The following FRMD4B variants were observed in gnomAD, a reference collection of about 807,000 sequenced individuals.
FRMD4B encodes FERM domain containing 4B, also known as FERM domain-containing protein 4B.
A neutral mutation model predicts 141.5 loss-of-function variants in FRMD4B; 74 were observed. The observed-to-expected ratio is 0.52, with a 90% CI of 0.43 to 0.63. FRMD4B has a LOEUF of 0.63. Among genes scored for constraint, FRMD4B ranks in the 30% least tolerant of loss-of-function variants. The pLI is 0.00. For missense variants in FRMD4B, 1,366 were observed against 1,253.4 expected (o/e 1.09, Z -1.36); for synonymous variants, 506 against 467.9 (o/e 1.08, Z -1.05).
intron 1 of FRMD4B, among the ~76,000 whole-genome samples, chr3:69,384,669 C>G (rs1704205803): frequency 6.6e-6 from 1 of 152,170 alleles, no homozygotes; most frequent in African/African-American, 2.4e-5. Context: ...ATATGTTATA[C>G]AAAGCAGAAG....
rs141714166 is a variant in FRMD4B, at chr3:69,391,738, A to C, written c.-1+40896T>G. On this transcript the variant is annotated intron_variant, in intron 2 of 5. Coordinates refer to the FRMD4B transcript ENST00000459638. ...ACTTTTCTCTATTAGACTGTCAGCT[A>C]TGTGAGGAACCACTGTGATGTGACG... Among the ~76,000 whole-genome samples the C allele has an allele frequency of 4.3e-3, 655 of 152,324 alleles. 5 individuals carry two copies. The highest frequency in any genetic ancestry group is 0.015 in the African/African-American group (620 of 41,564).
chr3:69,467,927 C>T (rs1705821871), intron 1 of FRMD4B, among the ~76,000 whole-genome samples: 1 of 152,174 alleles, frequency 6.6e-6, no homozygotes, highest in Non-Finnish European at 1.5e-5. Flanking sequence ...TGGAAAAACG[C>T]AGAGCCAAGG....
intron 3 of FRMD4B, among the ~76,000 whole-genome samples, chr3:69,302,985 A>C (rs1025597210): frequency 6.6e-6 from 1 of 152,150 alleles, no homozygotes; most frequent in Admixed American, 6.5e-5. Context: ...GAGGCAGGAG[A>C]ATCGCTTGAA....
At chr3:69,315,537 T>C (rs1380347264) in intron 1 of FRMD4B, among the ~76,000 whole-genome samples, 1 of 152,214 alleles carries the variant, frequency 6.6e-6, no homozygotes, top group Non-Finnish European at 1.5e-5. Context: ...ATATTTTTTG[T>C]TGTTGTTTCT....
chr3:69,220,774 A>G (rs1164473566), intron 9 of FRMD4B, among the ~76,000 whole-genome samples: 1 of 152,142 alleles, frequency 6.6e-6, no homozygotes, highest in African/African-American at 2.4e-5. Flanking sequence ...AAATCGCTTG[A>G]ACCCAGGAGG....
At chr3:69,256,468 C>T (rs1020602175) in intron 5 of FRMD4B, among the ~76,000 whole-genome samples, 2 of 152,120 alleles carry the variant, frequency 1.3e-5, no homozygotes, top group Non-Finnish European at 1.5e-5. Context: ...TACAAGCACA[C>T]GCTACCACAC....
rs201897907 is a variant in FRMD4B, at chr3:69,478,127, C to G, written c.-128-45366G>C. On this transcript the variant is annotated intron_variant, in intron 1 of 5. Transcript: ENST00000459638. The stretch of plus-strand genomic sequence containing the variant: ...TTTATTAGTCTTGCTAGCAGTCTAT[C>G]AATTCTGTTGATCCTTTCAAAAAAC... Among the ~76,000 whole-genome samples the G allele has an allele frequency of 1.0e-3, 159 of 152,252 alleles. 1 individual carries two copies. Among genetic ancestry groups the G allele is most frequent in the East Asian group, 7.1e-3 (37 of 5,182 alleles).
At chr3:69,348,971 C>G (rs1444454956) in intron 1 of FRMD4B, among the ~76,000 whole-genome samples, 1 of 152,104 alleles carries the variant, frequency 6.6e-6, no homozygotes, top group Non-Finnish European at 1.5e-5. Context: ...AAGTTCTGGC[C>G]AGGGCAATCA....
intron 1 of FRMD4B, among the ~76,000 whole-genome samples, chr3:69,474,980 T>C (rs1308808586): frequency 1.3e-5 from 2 of 152,102 alleles, no homozygotes; most frequent in African/African-American, 4.8e-5. Context: ...ACCAAAAGAA[T>C]GTGTTTGAGG....
upstream of FRMD4B, among the ~76,000 whole-genome samples, chr3:69,389,506 G>C (rs1559843248): frequency 6.6e-6 from 1 of 152,222 alleles, no homozygotes; most frequent in Admixed American, 6.5e-5. Flanking sequence ...AAAGCTTTTT[G>C]AGCTTGATCT....
chr3:69,170,027 G>C lies in FRMD4B; in HGVS notation c.*1834C>G, dbSNP rs1575573466. 6.6e-6 allele frequency: 1 copy of C among 152,106 alleles called. No homozygotes were observed. Among genetic ancestry groups the C allele is most frequent in the East Asian group, 1.9e-4 (1 of 5,192 alleles). 9.4% of individuals were successfully genotyped at this position (152,106 alleles called of 1,614,324 possible). A position where few individuals can be genotyped will look rare whatever the true frequency, so the allele number is the denominator to read the frequency against. On this transcript the variant is annotated 3_prime_UTR_variant, in exon 23 of 23. Coordinates refer to ENST00000398540, the MANE Select transcript of FRMD4B (RefSeq NM_015123.3). ...TAAGGCAACTTTATTGTAAGACACA[G>C]CATTATTTTTAATGTACTATTAAGA...
intron 21 of FRMD4B, among the ~76,000 whole-genome samples, chr3:69,179,750 G>T (rs1278974654): frequency 6.6e-6 from 1 of 152,174 alleles, no homozygotes. Flanking sequence ...GGCAGTTTGA[G>T]AATTCATTCA....
At chr3:69,214,137 G>C (rs1044397126) in intron 11 of FRMD4B, among the ~76,000 whole-genome samples, 3 of 152,154 alleles carry the variant, frequency 2.0e-5, no homozygotes, top group African/African-American at 4.8e-5. Context: ...GGGGAAAAGA[G>C]GGGGTTTTAT....
At chr3:69,469,853 A>C (rs1705858642) in intron 1 of FRMD4B, among the ~76,000 whole-genome samples, 1 of 152,240 alleles carries the variant, frequency 6.6e-6, no homozygotes, top group Non-Finnish European at 1.5e-5. Context: ...ATGAGAAGCC[A>C]CCAAAGCAAA....
intron 1 of FRMD4B, among the ~76,000 whole-genome samples, chr3:69,540,967 T>TA (rs1428256723): frequency 1.3e-5 from 2 of 152,040 alleles, no homozygotes; most frequent in Non-Finnish European, 2.9e-5. Context: ...ACAGCATGTG[T>TA]ATGACATATG....
At chr3:69,321,945 T>C (rs929762845) in intron 1 of FRMD4B, among the ~76,000 whole-genome samples, 1 of 152,132 alleles carries the variant, frequency 6.6e-6, no homozygotes, top group Non-Finnish European at 1.5e-5. Flanking sequence ...CAGGCTCAAG[T>C]AGTCCTCCTG....
At chr3:69,405,041 A>C (rs1704627125) in intron 2 of FRMD4B, among the ~76,000 whole-genome samples, 1 of 152,206 alleles carries the variant, frequency 6.6e-6, no homozygotes, top group Non-Finnish European at 1.5e-5. Flanking sequence ...TTTGCTCGCG[A>C]ATGATGGAAA....
At chr3:69,320,108 G>A (rs1368233062) in intron 1 of FRMD4B, among the ~76,000 whole-genome samples, 2 of 152,170 alleles carry the variant, frequency 1.3e-5, no homozygotes, top group Admixed American at 1.3e-4. Context: ...TGCCAGACCT[G>A]GGCTTAAAAG....
intron 1 of FRMD4B, among the ~76,000 whole-genome samples, chr3:69,328,504 C>T (rs986138747): frequency 6.6e-6 from 1 of 152,112 alleles, no homozygotes; most frequent in South Asian, 2.1e-4. Context: ...CTGAGACCTA[C>T]TGGGCTGCAT....
Sources: allele counts gnomAD v4.1 joint callset (sites outside exome capture counted in the v4.1 genomes callset), GRCh38; gene constraint gnomAD v4.1.1; transcripts MANE v1.5; gene names NCBI Gene and HGNC (gene_info 2026-07-23, HGNC 2026-07-21).